The following SLC2A14 variants were observed in gnomAD, a reference collection of about 807,000 sequenced individuals.
SLC2A14 encodes the protein solute carrier family 2 member 14, also known as solute carrier family 2, facilitated glucose transporter member 14.
SLC2A14 carries 13 observed loss-of-function variants against 43.0 expected under a neutral mutation model. The ratio of observed to expected loss-of-function variants is 0.30; its 90% CI spans 0.20 to 0.48. The LOEUF (loss-of-function observed/expected upper bound fraction) is 0.48, where lower values mean the gene tolerates loss of function less well. Among genes scored for constraint, SLC2A14 ranks in the 20% least tolerant of loss-of-function variants. The probability of loss-of-function intolerance (pLI) is 0.99; values close to 1 mark genes in which losing one functional copy is unlikely to be tolerated. For missense variants in SLC2A14, 428 were observed against 620.4 expected (o/e 0.69, Z 3.29); for synonymous variants, 190 against 233.8 (o/e 0.81, Z 1.71).
chr12:7,884,418 A>G (rs1299322259), intron 1 of SLC2A14, among the ~76,000 whole-genome samples: 3 of 152,134 alleles, frequency 2.0e-5, no homozygotes, highest in Non-Finnish European at 4.4e-5. Flanking sequence ...TTTTAATACT[A>G]GTGAAGTGCC....
intron 2 of SLC2A14, among the ~76,000 whole-genome samples, chr12:7,841,743 A>C (rs765645135): frequency 2.0e-4 from 30 of 152,168 alleles, no homozygotes; most frequent in South Asian, 1.2e-3. Context: ...TGCAGTGGCT[A>C]ACGCCTGTAA....
At position 7,855,361 on chromosome 12, in the gene SLC2A14, A is replaced by C. The variant is rs1867272819; in HGVS notation, c.18+14502T>G. 3.3e-5 allele frequency among the ~76,000 whole-genome samples: 5 copies of C among 152,012 alleles called. No homozygotes were observed. In the South Asian group the frequency reaches 1.0e-3, roughly 32 times the overall value. On this transcript the variant is annotated intron_variant, in intron 2 of 10. Coordinates refer to ENST00000431042, the MANE Select transcript of SLC2A14 (RefSeq NM_001286234.2). ...CCTATGTTGCCCATAGACTGGTCTCAAACTCCTGAGCTCAAGCCATCTTCC... is the reference window on the plus strand; with the variant it reads ...CCTATGTTGCCCATAGACTGGTCTCCAACTCCTGAGCTCAAGCCATCTTCC...
chr12:7,820,432 T>G (rs1325990405), intron 8 of SLC2A14, among the ~76,000 whole-genome samples: 1 of 151,740 alleles, frequency 6.6e-6, no homozygotes, highest in African/African-American at 2.4e-5. Flanking sequence ...GCATCAGGAG[T>G]TGGGGGCAGT....
At chr12:7,828,317 A>C (rs746527841) in intron 6 of SLC2A14, among the ~76,000 whole-genome samples, 1 of 151,912 alleles carries the variant, frequency 6.6e-6, no homozygotes, top group East Asian at 1.9e-4. Context: ...GTGAACCGAG[A>C]TTGCGCCACT....
chr12:7,826,863 T>TC (rs1864431779), intron 7 of SLC2A14, among the ~76,000 whole-genome samples: 1 of 24,862 alleles, frequency 4.0e-5, no homozygotes, highest in Admixed American at 5.1e-4. Flanking sequence ...CCTTTCTTTT[T>TC]TCTTTCTTTC....
At chr12:7,867,280 CAAAA>C (rs755003596) in intron 2 of SLC2A14, among the ~76,000 whole-genome samples, 29,303 of 71,514 alleles carry the variant, frequency 0.41, 3,596 homozygotes, top group Middle Eastern at 0.58. Flanking sequence ...GACTCCGTCT[CAAAA>C]AAAAAAAAAA....
chr12:7,861,600 C>T (rs1179298529), intron 2 of SLC2A14, among the ~76,000 whole-genome samples: 1 of 152,064 alleles, frequency 6.6e-6, no homozygotes, highest in Non-Finnish European at 1.5e-5. Context: ...AACCGCACAA[C>T]TAAGTTTCAG....
chr12:7,829,299 A>G (rs10846008), intron 5 of SLC2A14, among the ~76,000 whole-genome samples: 39,807 of 151,898 alleles, frequency 0.26, 5,506 homozygotes, highest in East Asian at 0.47. Flanking sequence ...AGTGGCTCAC[A>G]CCTATAACCC....
At position 7,826,885 on chromosome 12, in the gene SLC2A14, CT is replaced by C. The variant is rs1246472639; in HGVS notation, c.864+609del. ...TTTTTCTTTCTTTCTTTCTTTCTTT[CT>C]TTCTTTCTTTCTTTCTTTCTTTCTT... On this transcript the variant is annotated intron_variant, in intron 7 of 10. Coordinates refer to ENST00000431042, the MANE Select transcript of SLC2A14 (RefSeq NM_001286234.2). Among the ~76,000 whole-genome samples, 226 of 57,398 alleles carry C rather than the reference CT, an allele frequency of 3.9e-3. 8 individuals are homozygous for C. Among genetic ancestry groups the C allele is most frequent in the Non-Finnish European group, 4.6e-3 (144 of 31,272 alleles). The allele number at this position is 57,398 out of a possible 152,430, so 37.7% of individuals were successfully genotyped here.
chr12:7,876,996 ATTTT>A (rs200535580), upstream of SLC2A14, among the ~76,000 whole-genome samples: 1 of 143,718 alleles, frequency 7.0e-6, no homozygotes, highest in Admixed American at 7.1e-5. Flanking sequence ...AAGCTGAATA[ATTTT>A]TTTTCTTTTT....
rs1864507307 is a variant in SLC2A14 at position 7,826,986 on chromosome 12, T to TTCTCTCCTTTC, written c.864+508_864+509insGAAAGGAGAGA. ...CTCTTTCTCTCTCTCTTTCTCTCCT[T>TTCTCTCCTTTC]TCTCTCTTTCTCTCCTTTCTCTCTC... On this transcript the variant is annotated intron_variant, in intron 7 of 10. Coordinates refer to ENST00000431042, the MANE Select transcript of SLC2A14 (RefSeq NM_001286234.2). 6.6e-5 allele frequency among the ~76,000 whole-genome samples: 7 copies of TTCTCTCCTTTC among 106,588 alleles called. No homozygotes were observed. In the Admixed American group the frequency reaches 7.2e-4, roughly 11 times the overall value. 69.9% of individuals were successfully genotyped at this position (106,588 alleles called of 152,430 possible). A position where few individuals can be genotyped will look rare whatever the true frequency, so the allele number is the denominator to read the frequency against.
intron 9 of SLC2A14, 84 bp from the exon 10 acceptor site, chr12:7,818,118 C>T: frequency 7.8e-7 from 1 of 1,287,888 alleles, no homozygotes; most frequent in Non-Finnish European, 1.1e-6. Context: ...TAATGGCAAG[C>T]TCCTCCTGTC....
intron 2 of SLC2A14, chr12:7,863,304 G>A (rs778951316): frequency 5.6e-5 from 25 of 443,060 alleles, no homozygotes; most frequent in South Asian, 2.1e-4. Context: ...AAAACACTCC[G>A]AACGCATCTG....
chr12:7,833,927 C>T lies in SLC2A14; in HGVS notation c.19-1113G>A, dbSNP rs767760306. On this transcript the variant is annotated intron_variant, in intron 2 of 10. Transcript: ENST00000431042. Reference sequence around the variant, plus strand: ...GCTCAATTTCTATACCTGAAGCCATCTTCTATGTCCTTTCCCGCACCCCCA... The same window carrying T: ...GCTCAATTTCTATACCTGAAGCCATTTTCTATGTCCTTTCCCGCACCCCCA... Among the ~76,000 whole-genome samples, 222 of 152,204 alleles carry T rather than the reference C, an allele frequency of 1.5e-3. 1 individual carries two copies. Among genetic ancestry groups the T allele is most frequent in the African/African-American group, 5.2e-3 (214 of 41,536 alleles).
intron 4 of SLC2A14, chr12:7,831,361 A>T (rs964617344): frequency 2.0e-6 from 1 of 506,104 alleles, no homozygotes; most frequent in African/African-American, 1.9e-5. Flanking sequence ...ACTATCCCTA[A>T]CTGGACTGCA....
chr12:7,863,651 G>A (rs2215713), intron 2 of SLC2A14, among the ~76,000 whole-genome samples: 151,296 of 152,098 alleles, frequency 0.99, 75,251 homozygotes, highest in Middle Eastern at 1. Context: ...CTTGGAATAC[G>A]GACATAGCTC....
chr12:7,870,720 CAAAT>C (rs751749702), intron 1 of SLC2A14: 160 of 405,340 alleles, frequency 3.9e-4, no homozygotes, highest in African/African-American at 3.1e-3. Context: ...TTGGAAAAAA[CAAAT>C]AAAGTCAAAC....
At chr12:7,820,502 T>A (rs1215702824) in intron 8 of SLC2A14, among the ~76,000 whole-genome samples, 1 of 152,138 alleles carries the variant, frequency 6.6e-6, no homozygotes, top group African/African-American at 2.4e-5. Context: ...GTGTCAGAAT[T>A]AAATCACAGG....
At chr12:7,816,437 C>T (rs1282252969) in intron 10 of SLC2A14, among the ~76,000 whole-genome samples, 3 of 150,484 alleles carry the variant, frequency 2.0e-5, no homozygotes, top group East Asian at 2.0e-4. Context: ...CGGGGTTTCT[C>T]GATATTGGCC....
Sources: gnomAD v4.1 joint callset for allele counts (sites outside exome capture counted in the v4.1 genomes callset) on GRCh38, gnomAD v4.1.1 for gene constraint, MANE v1.5 for transcripts, NCBI Gene and HGNC (gene_info 2026-07-23, HGNC 2026-07-21) for gene names.